DYSF: variants seen among roughly 807,000 people sequenced by gnomAD.
DYSF encodes the protein dysferlin.
Under a neutral mutation model 274.9 loss-of-function variants are expected in DYSF, and 212 were observed. The observed-to-expected ratio is 0.77, with a 90% CI of 0.69 to 0.86. The LOEUF (loss-of-function observed/expected upper bound fraction) is 0.86. DYSF is among the 40% of genes least tolerant of loss of function. DYSF has a pLI of 0.00. For missense variants in DYSF, 2,666 were observed against 2,783.2 expected (o/e 0.96, Z 0.95); for synonymous variants, 1,091 against 1,078.7 (o/e 1.01, Z -0.22).
intron 16 of DYSF, among the ~76,000 whole-genome samples, chr2:71,537,902 G>T (rs1198062600): frequency 1.3e-5 from 2 of 152,162 alleles, no homozygotes; most frequent in African/African-American, 4.8e-5. Flanking sequence ...CTTCCTGAAG[G>T]AGATGGGTCC....
In DYSF at chr2:71,526,297, A is replaced by G. The variant is rs915460671; in HGVS notation, c.1227A>G (p.Arg409=). ...NLLRPTGVAL[R]GAHFCLKVFR... Reference sequence around the variant, plus strand: ...TCCGGCCCACAGGCGTAGCCCTGCGAGGAGCCCACTTCTGCCTGAAGGTCT... The same window carrying G: ...TCCGGCCCACAGGCGTAGCCCTGCGGGGAGCCCACTTCTGCCTGAAGGTCT... The change falls in exon 13 of 56, where the codon CGA becomes CGG. Residue 409 remains arginine, a synonymous_variant. Coordinates refer to ENST00000410020, the MANE Select transcript of DYSF (RefSeq NM_001130987.2). 3.7e-6 allele frequency: 6 copies of G among 1,614,080 alleles called. No homozygotes were observed. Among genetic ancestry groups the G allele is most frequent in the Non-Finnish European group, 4.2e-6 (5 of 1,179,968 alleles).
chr2:71,589,763 A>T, intron 31 of DYSF, 77 bp downstream of exon 31: 1 of 1,382,554 alleles, frequency 7.2e-7, no homozygotes, highest in Non-Finnish European at 1.0e-6. Context: ...GAGTTATACG[A>T]TCAGATGTGT....
intron 34 of DYSF, chr2:71,601,202 C>T (rs567267385): frequency 1.7e-6 from 1 of 593,806 alleles, no homozygotes; most frequent in African/African-American, 1.9e-5. Context: ...GCCTCATGGC[C>T]CTGGGCCAGC....
chr2:71,616,505 T>C (rs937534130), intron 40 of DYSF, among the ~76,000 whole-genome samples: 1 of 151,578 alleles, frequency 6.6e-6, no homozygotes, highest in Non-Finnish European at 1.5e-5. Context: ...TAGGAGCAGG[T>C]GTGTGCACGA....
chr2:71,572,171 C>G (rs545120488), intron 29 of DYSF, among the ~76,000 whole-genome samples: 2 of 143,040 alleles, frequency 1.4e-5, no homozygotes, highest in African/African-American at 5.3e-5. Context: ...GCATGGATCA[C>G]ACCCAGCACA....
chr2:71,637,748 G>C (rs2094428050), intron 41 of DYSF, among the ~76,000 whole-genome samples: 1 of 152,176 alleles, frequency 6.6e-6, no homozygotes, highest in South Asian at 2.1e-4. Flanking sequence ...AAGGAGTTTA[G>C]GAGAAGGAAA....
At chr2:71,654,884 A>G (rs1307595478) in intron 42 of DYSF, among the ~76,000 whole-genome samples, 1 of 152,066 alleles carries the variant, frequency 6.6e-6, no homozygotes, top group Non-Finnish European at 1.5e-5. Flanking sequence ...TTTGAGACCA[A>G]CCTGGGCAAC....
chr2:71,618,368 G>T (rs1445954647), intron 40 of DYSF, among the ~76,000 whole-genome samples: 10 of 2,350 alleles, frequency 4.3e-3, no homozygotes, highest in Non-Finnish European at 5.6e-3. Context: ...TGTGGTAGAG[G>T]TGGCATGTGT....
At chr2:71,502,099 G>GTA (rs1443641160) in intron 3 of DYSF, among the ~76,000 whole-genome samples, 1 of 151,712 alleles carries the variant, frequency 6.6e-6, no homozygotes, top group East Asian at 1.9e-4. Flanking sequence ...GTGTGTGTGT[G>GTA]TGTGTGTGTG....
intron 3 of DYSF, among the ~76,000 whole-genome samples, chr2:71,498,002 T>A (rs1307317047): frequency 6.6e-6 from 1 of 152,226 alleles, no homozygotes; most frequent in East Asian, 1.9e-4. Context: ...TGTCTCCTGC[T>A]AAATCATGGA....
chr2:71,654,916 A>AAAAAT (rs1279890920), intron 42 of DYSF, among the ~76,000 whole-genome samples: 1 of 152,050 alleles, frequency 6.6e-6, no homozygotes, highest in African/African-American at 2.4e-5. Flanking sequence ...TCATCTCTAC[A>AAAAAT]AAAATAAAAT....
At chr2:71,560,817 G>C (rs13412817) in intron 22 of DYSF, among the ~76,000 whole-genome samples, 2,477 of 152,214 alleles carry the variant, frequency 0.016, 66 homozygotes, top group African/African-American at 0.052. Flanking sequence ...AGCAGACCTG[G>C]TGGAGCGGGT....
chr2:71,596,144 C>T (rs759710996), intron 32 of DYSF, among the ~76,000 whole-genome samples: 14 of 151,872 alleles, frequency 9.2e-5, no homozygotes, highest in East Asian at 5.9e-4. Flanking sequence ...CTCCCATGGG[C>T]GGGTGGGGCA....
intron 36 of DYSF, among the ~76,000 whole-genome samples, chr2:71,604,701 T>G (rs1231150441): frequency 6.6e-6 from 1 of 152,192 alleles, no homozygotes; most frequent in Non-Finnish European, 1.5e-5. Context: ...ATATCCTCTC[T>G]TGTGGGAAGT....
At chr2:71,582,098 C>T (rs550080278) in intron 30 of DYSF, among the ~76,000 whole-genome samples, 1 of 114,600 alleles carries the variant, frequency 8.7e-6, no homozygotes, top group South Asian at 2.9e-4. Context: ...CAGAAGGAGA[C>T]TCCGTCTCAA....
chr2:71,490,334 G>T (rs1044985734), intron 3 of DYSF, among the ~76,000 whole-genome samples: 9 of 152,216 alleles, frequency 5.9e-5, no homozygotes, highest in African/African-American at 2.2e-4. Flanking sequence ...TAACGATTTG[G>T]TGCGTATCTT....
chr2:71,597,636 T>C (rs1201619568), intron 32 of DYSF, among the ~76,000 whole-genome samples: 1 of 152,106 alleles, frequency 6.6e-6, no homozygotes, highest in Non-Finnish European at 1.5e-5. Flanking sequence ...TAGAGTCTGC[T>C]CTAGTGACAC....
chr2:71,520,203 A>G lies in DYSF; in HGVS notation c.1028A>G (p.Glu343Gly). The G allele has an allele frequency of 6.2e-7, 1 of 1,614,152 alleles. No homozygotes were observed. The highest frequency in any genetic ancestry group is 8.5e-7 in the Non-Finnish European group (1 of 1,180,030). Residue 343 changes from glutamate (E) to glycine (G), a missense_variant, in exon 11 of 56, where the codon GAG becomes GGG. Glu to Gly is a moderately conservative substitution (Grantham distance 98, BLOSUM62 -2). Transcript: ENST00000410020. Reference sequence around the variant, plus strand: ...ATGGACGTGGGCACCATTTACAGAGAGCCCCGTGAGTTCTCACCACTTTGG... The same window carrying G: ...ATGGACGTGGGCACCATTTACAGAGGGCCCCGTGAGTTCTCACCACTTTGG... Reference protein sequence around the residue: ...FRMDVGTIYREPRHAYLRKWL... With the variant: ...FRMDVGTIYRGPRHAYLRKWL...
chr2:71,562,015 A>G (rs2091809034), intron 23 of DYSF, 71 bp downstream of exon 23: 1 of 1,557,158 alleles, frequency 6.4e-7, no homozygotes, highest in South Asian at 1.2e-5. Flanking sequence ...TGGCAGGGAC[A>G]AGGCGAATGT....
Sources: allele counts gnomAD v4.1 joint callset (sites outside exome capture counted in the v4.1 genomes callset), GRCh38; gene constraint gnomAD v4.1.1; transcripts MANE v1.5; gene names NCBI Gene and HGNC (gene_info 2026-07-23, HGNC 2026-07-21).